The following CTIF variants were observed in gnomAD, a reference collection of about 807,000 sequenced individuals.
CTIF encodes cap binding complex dependent translation initiation factor.
A neutral mutation model predicts 66.0 loss-of-function variants in CTIF; 21 were observed. That is an observed-to-expected ratio of 0.32 (90% CI 0.23 to 0.46). CTIF has a LOEUF of 0.46. CTIF is among the 20% of genes least tolerant of loss of function. CTIF has a pLI of 1.00. For missense variants in CTIF, 739 were observed against 812.7 expected, an observed-to-expected ratio of 0.91 and a Z score of 1.10; for synonymous variants, 345 against 326.4, an observed-to-expected ratio of 1.06 and a Z score of -0.62.
chr18:48,620,466 T>C (rs752852311), intron 2 of CTIF, among the ~76,000 whole-genome samples: 2 of 152,224 alleles, frequency 1.3e-5, no homozygotes, highest in African/African-American at 2.4e-5. Flanking sequence ...CCTCAGCAGA[T>C]TTTTGTTCAA....
intron 11 of CTIF, among the ~76,000 whole-genome samples, chr18:48,858,433 G>T (rs1461403977): frequency 6.6e-6 from 1 of 151,668 alleles, no homozygotes; most frequent in Non-Finnish European, 1.5e-5. Context: ...CCTGGTCCTT[G>T]CCCTCAGGCA....
chr18:48,605,153 G>T (rs1287926981), intron 1 of CTIF, among the ~76,000 whole-genome samples: 5 of 152,192 alleles, frequency 3.3e-5, no homozygotes, highest in East Asian at 1.9e-4. Flanking sequence ...GAGTGGAATT[G>T]TTGGGTCATA....
At chr18:48,655,878 T>C (rs2091239498) in intron 3 of CTIF, among the ~76,000 whole-genome samples, 1 of 152,228 alleles carries the variant, frequency 6.6e-6, no homozygotes, top group Non-Finnish European at 1.5e-5. Flanking sequence ...GAATTGTCAT[T>C]ACACACATGC....
chr18:48,830,874 C>G (rs2068677991), intron 10 of CTIF, among the ~76,000 whole-genome samples: 1 of 152,198 alleles, frequency 6.6e-6, no homozygotes, highest in South Asian at 2.1e-4. Context: ...CATGGAAACT[C>G]TCTCAAGGCA....
intron 9 of CTIF, among the ~76,000 whole-genome samples, chr18:48,806,271 C>A (rs11878008): frequency 1.1e-3 from 163 of 152,224 alleles, no homozygotes; most frequent in African/African-American, 3.9e-3. Flanking sequence ...AACCAATTGC[C>A]CGGGAGAAGA....
chr18:48,841,547 G>A (rs879417165), intron 10 of CTIF, among the ~76,000 whole-genome samples: 7 of 152,322 alleles, frequency 4.6e-5, no homozygotes, highest in African/African-American at 7.2e-5. Context: ...TGGCCTGTCC[G>A]CCCCTGGCAT....
At chr18:48,547,112 A>G (rs1488408882) in intron 1 of CTIF, among the ~76,000 whole-genome samples, 1 of 152,152 alleles carries the variant, frequency 6.6e-6, no homozygotes, top group Non-Finnish European at 1.5e-5. Context: ...AGGAGAGAGA[A>G]GAGAAAGGGC....
intron 1 of CTIF, among the ~76,000 whole-genome samples, chr18:48,547,321 G>T (rs927904574): frequency 5.3e-5 from 8 of 152,164 alleles, no homozygotes; most frequent in African/African-American, 1.9e-4. Context: ...TACAGATAAG[G>T]TTTCTTTCCA....
chr18:48,765,604 C>T (rs1339224115), intron 9 of CTIF, among the ~76,000 whole-genome samples: 1 of 152,240 alleles, frequency 6.6e-6, no homozygotes, highest in Non-Finnish European at 1.5e-5. Flanking sequence ...TCTGAGGGCT[C>T]TTGCCAAGCT....
At chr18:48,590,772 G>A (rs11661898) in intron 1 of CTIF, among the ~76,000 whole-genome samples, 7,303 of 152,220 alleles carry the variant, frequency 0.048, 243 homozygotes, top group South Asian at 0.069. Context: ...CTCTTTCTGT[G>A]CTACTTCCCA....
rs1290135293 is a variant in CTIF at position 48,575,286 on chromosome 18, G to GC, written c.-29+35980dup. ...AGTTCTGTAATGCAGGTGATGCTTT[G>GC]CCCCCCGACAGCTGTTCTATGGCAA... On this transcript the variant is annotated intron_variant, in intron 1 of 11. Coordinates refer to ENST00000256413, the MANE Select transcript of CTIF (RefSeq NM_014772.3). 4.6e-5 allele frequency among the ~76,000 whole-genome samples: 7 copies of GC among 152,196 alleles called. No homozygotes were observed. In the South Asian group the frequency reaches 6.2e-4, roughly 14 times the overall value.
At chr18:48,836,757 A>T (rs2068820020) in intron 10 of CTIF, among the ~76,000 whole-genome samples, 1 of 152,184 alleles carries the variant, frequency 6.6e-6, no homozygotes, top group Admixed American at 6.5e-5. Flanking sequence ...GAGTCAGGAA[A>T]TCTGAGTTCT....
chr18:48,589,310 C>G (rs2089839894), intron 1 of CTIF, among the ~76,000 whole-genome samples: 1 of 152,130 alleles, frequency 6.6e-6, no homozygotes, highest in Admixed American at 6.5e-5. Flanking sequence ...CGAGGCAGCT[C>G]CCAACAGTCC....
intron 6 of CTIF, among the ~76,000 whole-genome samples, chr18:48,705,302 G>A (rs923927549): frequency 2.0e-5 from 3 of 152,042 alleles, no homozygotes; most frequent in Admixed American, 6.5e-5. Context: ...GGCACTCCTG[G>A]GCTTGTGTCT....
intron 10 of CTIF, among the ~76,000 whole-genome samples, chr18:48,817,855 TC>T (rs1407245105): frequency 1.5e-4 from 23 of 151,828 alleles, no homozygotes; most frequent in Non-Finnish European, 1.3e-4. Flanking sequence ...GCCAGGTCTT[TC>T]TTCGTTGGGT....
intron 9 of CTIF, among the ~76,000 whole-genome samples, chr18:48,789,974 C>T (rs1009146020): frequency 6.6e-6 from 1 of 152,178 alleles, no homozygotes; most frequent in African/African-American, 2.4e-5. Context: ...TACTTTTCCC[C>T]TCTCTATGTC....
In CTIF at chr18:48,765,407, G is replaced by A. The variant is rs1048340292; in HGVS notation, c.1371+3718G>A. ...CTTCCACACACAAGTTCTGGGCCCCGGCTTAGCAATGCAGGCTACAAAGGG... is the reference window on the plus strand; with the variant it reads ...CTTCCACACACAAGTTCTGGGCCCCAGCTTAGCAATGCAGGCTACAAAGGG... On this transcript the variant is annotated intron_variant, in intron 9 of 11. Transcript: ENST00000256413. 3.9e-5 allele frequency among the ~76,000 whole-genome samples: 6 copies of A among 152,088 alleles called. No individual in the cohort carries two copies. In the South Asian group the frequency reaches 6.2e-4, roughly 16 times the overall value.
intron 3 of CTIF, among the ~76,000 whole-genome samples, chr18:48,644,416 C>A (rs1334273909): frequency 6.6e-6 from 1 of 152,220 alleles, no homozygotes; most frequent in African/African-American, 2.4e-5. Context: ...TGCCCAGGAG[C>A]ACTAGAAGTG....
intron 1 of CTIF, among the ~76,000 whole-genome samples, chr18:48,582,261 G>T (rs1304425296): frequency 1.3e-5 from 2 of 152,016 alleles, no homozygotes; most frequent in Non-Finnish European, 2.9e-5. Context: ...GGGGGCAGGA[G>T]GCATGAGAAG....
Sources: gnomAD v4.1 joint callset for allele counts (sites outside exome capture counted in the v4.1 genomes callset) on GRCh38, gnomAD v4.1.1 for gene constraint, MANE v1.5 for transcripts, NCBI Gene and HGNC (gene_info 2026-07-23, HGNC 2026-07-21) for gene names.